The following TRDN variants were observed in gnomAD, a reference collection of about 807,000 sequenced individuals.
TRDN encodes the protein triadin, also known as triadin in skeletal muscle.
TRDN carries 161 observed loss-of-function variants against 149.7 expected under a neutral mutation model. That is an observed-to-expected ratio of 1.08 (90% CI 0.95 to 1.23). The LOEUF is 1.23. Ranked by LOEUF, TRDN falls within the 50% of genes most tolerant of loss-of-function variation. The pLI, the probability that TRDN is intolerant of heterozygous loss-of-function variation, is 0.00. For missense variants in TRDN, 896 were observed against 823.5 expected (o/e 1.09, Z -1.08); for synonymous variants, 294 against 250.5 (o/e 1.17, Z -1.64).
chr6:123,296,923 A>T (rs1362779476), intron 24 of TRDN, among the ~76,000 whole-genome samples: 1 of 152,072 alleles, frequency 6.6e-6, no homozygotes, highest in Admixed American at 6.6e-5. Flanking sequence ...TCTGGAAAAA[A>T]TTTTGCTTCA....
At chr6:123,433,031 C>A (rs1774394958) in intron 12 of TRDN, among the ~76,000 whole-genome samples, 1 of 151,110 alleles carries the variant, frequency 6.6e-6, no homozygotes, top group Non-Finnish European at 1.5e-5. Context: ...ATATTTAAAA[C>A]TTCAGCTCAA....
In TRDN at chr6:123,568,195, G is replaced by A. The variant is rs572483048; in HGVS notation, c.232+2728C>T. 3.3e-5 allele frequency among the ~76,000 whole-genome samples: 5 copies of A among 152,268 alleles called. No homozygotes were observed. In the East Asian group the frequency reaches 9.7e-4, roughly 29 times the overall value. ...CTTTCACTCTGTGTCCCATAACCTG[G>A]GAACACTGATATGAGGGGTGGGGTC... On this transcript the variant is annotated intron_variant, in intron 2 of 40. Coordinates refer to ENST00000334268, the MANE Select transcript of TRDN (RefSeq NM_006073.4).
At chr6:123,509,100 CAT>C (rs1051205217) in intron 7 of TRDN, among the ~76,000 whole-genome samples, 6 of 151,798 alleles carry the variant, frequency 4.0e-5, no homozygotes, top group Admixed American at 6.6e-5. Flanking sequence ...TATATACACA[CAT>C]ATATATGTTT....
rs538111754 is a variant in TRDN at position 123,223,033 on chromosome 6, T to C, written c.2014+1060A>G. 7.4e-4 allele frequency among the ~76,000 whole-genome samples: 113 copies of C among 151,914 alleles called. 3 individuals are homozygous for C. The highest frequency in any genetic ancestry group is 2.6e-3 in the African/African-American group (107 of 41,516). On this transcript the variant is annotated intron_variant, in intron 39 of 40. Coordinates refer to ENST00000334268, the MANE Select transcript of TRDN (RefSeq NM_006073.4). Reference sequence around the variant, plus strand: ...GAGCTTGCAGAGAGAAGAGAACACTTGTAGACTGTTGGTGGGTGTGCAAAT... The same window carrying C: ...GAGCTTGCAGAGAGAAGAGAACACTCGTAGACTGTTGGTGGGTGTGCAAAT...
chr6:123,490,999 G>A (rs566357921), intron 9 of TRDN, among the ~76,000 whole-genome samples: 6 of 151,840 alleles, frequency 4.0e-5, no homozygotes, highest in African/African-American at 4.8e-5. Flanking sequence ...CCAGCTACTC[G>A]CAAGGCTGAG....
At chr6:123,378,186 GA>G (rs1430597546) in intron 16 of TRDN, among the ~76,000 whole-genome samples, 1 of 151,942 alleles carries the variant, frequency 6.6e-6, no homozygotes, top group African/African-American at 2.4e-5. Flanking sequence ...CATAAAGGGT[GA>G]AAAAAATTAA....
At chr6:123,519,146 T>C (rs893702824) in intron 5 of TRDN, among the ~76,000 whole-genome samples, 1 of 152,164 alleles carries the variant, frequency 6.6e-6, no homozygotes, top group African/African-American at 2.4e-5. Flanking sequence ...TTTAATTTGT[T>C]TGTCATCCTT....
chr6:123,358,358 T>C (rs560780958), intron 20 of TRDN, among the ~76,000 whole-genome samples: 3 of 152,270 alleles, frequency 2.0e-5, no homozygotes, highest in South Asian at 4.1e-4. Flanking sequence ...TATTCTTCCC[T>C]ACAATTTTCC....
At chr6:123,388,043 A>G (rs1485282982) in intron 14 of TRDN, among the ~76,000 whole-genome samples, 1 of 152,082 alleles carries the variant, frequency 6.6e-6, no homozygotes, top group Non-Finnish European at 1.5e-5. Flanking sequence ...CAAAAGGAGA[A>G]AAAATGAAAA....
chr6:123,278,103 C>A (rs1338321456), intron 26 of TRDN, among the ~76,000 whole-genome samples: 2 of 152,022 alleles, frequency 1.3e-5, no homozygotes, highest in African/African-American at 4.8e-5. Context: ...TCTTCTGAAC[C>A]ATGTAAATTT....
At chr6:123,304,758 T>C (rs1778549131) in intron 24 of TRDN, among the ~76,000 whole-genome samples, 1 of 152,136 alleles carries the variant, frequency 6.6e-6, no homozygotes, top group East Asian at 1.9e-4. Flanking sequence ...ATAAAGAAAC[T>C]GATGGATCCA....
At chr6:123,459,623 TA>T (rs768837152) in intron 10 of TRDN, among the ~76,000 whole-genome samples, 11 of 152,168 alleles carry the variant, frequency 7.2e-5, no homozygotes, top group Non-Finnish European at 1.5e-4. Context: ...CTATATTCAT[TA>T]AACTCTTTTA....
intron 23 of TRDN, among the ~76,000 whole-genome samples, chr6:123,321,243 C>T (rs1426888207): frequency 1.3e-5 from 2 of 152,136 alleles, no homozygotes; most frequent in Non-Finnish European, 2.9e-5. Context: ...AAATTAAACA[C>T]TACACGTGAA....
Position 123,376,531 on chromosome 6 carries a change from A to G in TRDN, c.1247-900T>C, listed in dbSNP as rs1350045049. On this transcript the variant is annotated intron_variant, in intron 18 of 40. Coordinates refer to ENST00000334268, the MANE Select transcript of TRDN (RefSeq NM_006073.4). ...AATAGGTGCTCTGGGAATAAAGAGA[A>G]AAAACAGTCGGCTTCTTCCAATTTC... Among the ~76,000 whole-genome samples, 7 of 152,140 alleles carry G rather than the reference A, an allele frequency of 4.6e-5. No individual in the cohort carries two copies. The East Asian group carries it at 1.3e-3, about 29-fold the overall frequency.
At chr6:123,541,085 T>A (rs942698255) in intron 4 of TRDN, among the ~76,000 whole-genome samples, 1 of 152,174 alleles carries the variant, frequency 6.6e-6, no homozygotes, top group African/African-American at 2.4e-5. Flanking sequence ...CTGAAATACA[T>A]TAGACCTAGC....
chr6:123,534,593 T>C lies in TRDN; in HGVS notation c.425-4028A>G, dbSNP rs1480926543. Among the ~76,000 whole-genome samples, 6 of 152,324 alleles carry C rather than the reference T, an allele frequency of 3.9e-5. No homozygotes were observed. In the East Asian group the frequency reaches 1.2e-3, roughly 29 times the overall value. ...TTTCTCATAGGGAGGCAATGCCTGA[T>C]TTGTTACCTTTGATTGCTCTTTCCA... On this transcript the variant is annotated intron_variant, in intron 4 of 40. Coordinates refer to ENST00000334268, the MANE Select transcript of TRDN (RefSeq NM_006073.4).
At chr6:123,524,576 T>A (rs1239755209) in intron 5 of TRDN, among the ~76,000 whole-genome samples, 2 of 152,122 alleles carry the variant, frequency 1.3e-5, no homozygotes, top group East Asian at 3.9e-4. Context: ...ACACAAACTG[T>A]GTCCTATTGT....
chr6:123,390,633 AG>A (rs1460844355), intron 13 of TRDN, among the ~76,000 whole-genome samples: 1 of 152,098 alleles, frequency 6.6e-6, no homozygotes, highest in African/African-American at 2.4e-5. Flanking sequence ...AGCTAATCAA[AG>A]CCAGGGTCTC....
At chr6:123,566,159 G>T (rs901172006) in intron 2 of TRDN, among the ~76,000 whole-genome samples, 3 of 152,204 alleles carry the variant, frequency 2.0e-5, no homozygotes, top group Non-Finnish European at 4.4e-5. Context: ...AAGAAGTGTG[G>T]TGTAGGTGAA....
Sources: gnomAD v4.1 joint callset for allele counts (sites outside exome capture counted in the v4.1 genomes callset) on GRCh38, gnomAD v4.1.1 for gene constraint, MANE v1.5 for transcripts, NCBI Gene and HGNC (gene_info 2026-07-23, HGNC 2026-07-21) for gene names.